Variants in QRICH1 observed in about 807,000 individuals in gnomAD.
QRICH1 encodes transcriptional regulator QRICH1.
A neutral mutation model predicts 87.1 loss-of-function variants in QRICH1; 16 were observed. The ratio of observed to expected loss-of-function variants is 0.18; its 90% CI spans 0.12 to 0.28. The LOEUF (loss-of-function observed/expected upper bound fraction) is 0.28, where lower values mean the gene tolerates loss of function less well. QRICH1 is among the 10% of genes least tolerant of loss of function. The probability of loss-of-function intolerance (pLI) is 1.00; values close to 1 mark genes in which losing one functional copy is unlikely to be tolerated. For missense variants in QRICH1, 647 were observed against 951.7 expected, an observed-to-expected ratio of 0.68 and a Z score of 4.21; for synonymous variants, 367 against 368.4, an observed-to-expected ratio of 1.00 and a Z score of 0.05.
chr3:49,060,408 T>C (rs2106917640), intron 2 of QRICH1, among the ~76,000 whole-genome samples: 1 of 152,178 alleles, frequency 6.6e-6, no homozygotes, highest in African/African-American at 2.4e-5. Context: ...TTAGCCAGGA[T>C]GGTCTTGATC....
At chr3:49,084,955 T>A (rs1031248701) in intron 1 of QRICH1, among the ~76,000 whole-genome samples, 1 of 151,642 alleles carries the variant, frequency 6.6e-6, no homozygotes, top group African/African-American at 2.4e-5. Context: ...ATCCTGGCTA[T>A]CACGGTGAAA....
chr3:49,046,835 T>G (rs1394378421), intron 4 of QRICH1, among the ~76,000 whole-genome samples: 1 of 152,178 alleles, frequency 6.6e-6, no homozygotes, highest in African/African-American at 2.4e-5. Flanking sequence ...TAGGGTCAAC[T>G]CCTGAAACCC....
intron 3 of QRICH1, among the ~76,000 whole-genome samples, chr3:49,051,280 C>G (rs2093368520): frequency 6.6e-6 from 1 of 152,150 alleles, no homozygotes; most frequent in Non-Finnish European, 1.5e-5. Flanking sequence ...TTGGCCTTAA[C>G]CTACTGGACC....
chr3:49,065,696 T>C (rs1341091640), intron 2 of QRICH1, among the ~76,000 whole-genome samples: 1 of 151,998 alleles, frequency 6.6e-6, no homozygotes, highest in African/African-American at 2.4e-5. Flanking sequence ...TTTTTTTTTT[T>C]TTGAGACGGA....
chr3:49,093,565 C>T (rs1016335469), intron 1 of QRICH1: 1 of 152,246 alleles, frequency 6.6e-6, no homozygotes, highest in African/African-American at 2.4e-5. Flanking sequence ...CCGCGGTTGC[C>T]CACGGGCCAC....
At chr3:49,046,257 A>G (rs542784155) in intron 5 of QRICH1, among the ~76,000 whole-genome samples, 168 bp downstream of exon 5, 2 of 146,452 alleles carry the variant, frequency 1.4e-5, no homozygotes, top group South Asian at 2.1e-4. Flanking sequence ...TAGGTTTTTA[A>G]AACTTAAAAA....
intron 1 of QRICH1, 67 bp downstream of exon 1, chr3:49,093,845 T>C: frequency 6.9e-6 from 2 of 290,734 alleles, no homozygotes; most frequent in Non-Finnish European, 1.3e-5. Flanking sequence ...CCCGCCGTTG[T>C]GTGGGGTGGG....
chr3:49,046,602 G>C (rs761377050), intron 4 of QRICH1, 23 bp from the exon 5 acceptor site: 6 of 1,610,922 alleles, frequency 3.7e-6, no homozygotes, highest in Middle Eastern at 1.7e-4. Context: ...CCTCAAAAAT[G>C]AATGAAGGTC....
At chr3:49,070,732 G>A (rs1304262943) in intron 2 of QRICH1, among the ~76,000 whole-genome samples, 1 of 152,166 alleles carries the variant, frequency 6.6e-6, no homozygotes, top group African/African-American at 2.4e-5. Context: ...ACCATGCCTG[G>A]CCTGGCCAGA....
chr3:49,071,506 C>T (rs1315202073), intron 2 of QRICH1, among the ~76,000 whole-genome samples: 1 of 152,138 alleles, frequency 6.6e-6, no homozygotes, highest in Non-Finnish European at 1.5e-5. Flanking sequence ...ATGGCTCATG[C>T]CTGCACTTTG....
chr3:49,059,015 G>A (rs2093419315), intron 2 of QRICH1, among the ~76,000 whole-genome samples: 1 of 148,356 alleles, frequency 6.7e-6, no homozygotes, highest in Non-Finnish European at 1.5e-5. Context: ...AGGCTGGAGT[G>A]CAGTGGTGCC....
At position 49,081,416 on chromosome 3, in the gene QRICH1, TA is replaced by T. The variant is rs771412819; in HGVS notation, c.-21-4379del. Among the ~76,000 whole-genome samples, 1,072 of 135,188 alleles carry T rather than the reference TA, an allele frequency of 7.9e-3. 3 individuals are homozygous for T. The highest frequency in any genetic ancestry group is 0.013 in the African/African-American group (466 of 36,864). 88.7% of individuals were successfully genotyped at this position (135,188 alleles called of 152,430 possible). On this transcript the variant is annotated intron_variant, in intron 1 of 9. Transcript: ENST00000395443. ...TAGGCAACAGAGTGAGACTCCATCT[TA>T]AAAAAAAAAAAAAAAAAATTTCAGA... is the stretch of plus-strand genomic sequence containing the variant.
rs34230924 is a variant in QRICH1, at chr3:49,080,966, C to CAAA, written c.-21-3931_-21-3929dup. Among the ~76,000 whole-genome samples the CAAA allele has an allele frequency of 3.7e-3, 91 of 24,798 alleles. 9 individuals carry two copies. Among genetic ancestry groups the CAAA allele is most frequent in the African/African-American group, 4.5e-3 (23 of 5,160 alleles). 16.3% of individuals were successfully genotyped at this position (24,798 alleles called of 152,430 possible). On this transcript the variant is annotated intron_variant, in intron 1 of 9. Coordinates refer to ENST00000395443, the MANE Select transcript of QRICH1 (RefSeq NM_198880.3). The stretch of plus-strand genomic sequence containing the variant: ...GGGCAACAAGAACGAAACTCCATCT[C>CAAA]AAAAAAAAAAAAAAAAAAAAAAAAA...
chr3:49,062,310 C>A (rs1463447358), intron 2 of QRICH1, among the ~76,000 whole-genome samples: 4 of 144,222 alleles, frequency 2.8e-5, no homozygotes, highest in African/African-American at 1.0e-4. Flanking sequence ...CCAGCCCAGT[C>A]AAGGACAGAG....
chr3:49,078,307 A>C (rs923697716), intron 1 of QRICH1, among the ~76,000 whole-genome samples: 2 of 151,824 alleles, frequency 1.3e-5, no homozygotes, highest in African/African-American at 4.8e-5. Flanking sequence ...GTTCTCTCCG[A>C]ATAGCTCACC....
intron 2 of QRICH1, among the ~76,000 whole-genome samples, chr3:49,067,363 C>G (rs1026705645): frequency 6.7e-6 from 1 of 149,064 alleles, no homozygotes. Context: ...GTCAGGAGAT[C>G]AAGACCATCC....
chr3:49,050,466 A>C (rs1183546575), intron 3 of QRICH1, among the ~76,000 whole-genome samples: 2 of 151,428 alleles, frequency 1.3e-5, no homozygotes, highest in East Asian at 3.9e-4. Flanking sequence ...TGGATTCTCA[A>C]AGGTGCTATA....
chr3:49,092,120 A>G (rs1169193964), intron 1 of QRICH1, among the ~76,000 whole-genome samples: 1 of 152,124 alleles, frequency 6.6e-6, no homozygotes, highest in Non-Finnish European at 1.5e-5. Context: ...GAAAAACTTT[A>G]CAGCTTTTCT....
chr3:49,064,847 T>C (rs977867294), intron 2 of QRICH1, among the ~76,000 whole-genome samples: 1 of 152,026 alleles, frequency 6.6e-6, no homozygotes, highest in Admixed American at 6.6e-5. Flanking sequence ...TGAAACCCTG[T>C]CTGTCCTAAA....
Sources: allele counts gnomAD v4.1 joint callset (sites outside exome capture counted in the v4.1 genomes callset), GRCh38; gene constraint gnomAD v4.1.1; transcripts MANE v1.5; gene names NCBI Gene and HGNC (gene_info 2026-07-23, HGNC 2026-07-21).